PPEF1: variants seen among roughly 807,000 people sequenced by gnomAD.
The protein encoded by PPEF1 is protein phosphatase with EF-hand domain 1.
A neutral mutation model predicts 53.3 loss-of-function variants in PPEF1; 12 were observed. The observed-to-expected ratio is 0.23, with a 90% CI of 0.14 to 0.36. The LOEUF (loss-of-function observed/expected upper bound fraction) is 0.36. PPEF1 is among the 10% of genes least tolerant of loss of function. The pLI is 1.00. For synonymous variants in PPEF1, 165 were observed against 176.7 expected (o/e 0.93, Z 0.52); for missense variants, 334 against 490.4 (o/e 0.68, Z 3.01).
At position 18,741,772 on chromosome X, in the gene PPEF1, CTTTTT is replaced by C. The variant is rs58971135; in HGVS notation, c.235+7984_235+7988del. On this transcript the variant is annotated intron_variant, in intron 3 of 15. Transcript: ENST00000470157. ...ACCCATTTGAGTCTGGCTGCTGCTTCTTTTTTTTTTTTTTTTTTTTTTTTAACGTT... is the reference window on the plus strand; with the variant it reads ...ACCCATTTGAGTCTGGCTGCTGCTTCTTTTTTTTTTTTTTTTTTTAACGTT... Among the ~76,000 whole-genome samples, 9 of 66,337 alleles carry C rather than the reference CTTTTT, an allele frequency of 1.4e-4. No homozygotes were observed. In the South Asian group the frequency reaches 4.3e-3, roughly 32 times the overall value. The allele number at this position is 66,337 out of a possible 115,157, so 57.6% of individuals were successfully genotyped here.
intron 6 of PPEF1, among the ~76,000 whole-genome samples, chrX:18,766,205 G>A (rs1490834362): frequency 9.0e-6 from 1 of 111,193 alleles, no homozygotes; most frequent in Admixed American, 9.6e-5. Context: ...TATAGCAAAA[G>A]AATGTCCTAA....
chrX:18,820,949 C>T (rs768445230), intron 13 of PPEF1, among the ~76,000 whole-genome samples: 53 of 110,273 alleles, frequency 4.8e-4, no homozygotes, highest in Non-Finnish European at 8.2e-4. Flanking sequence ...TCCGGCCAGA[C>T]GTGGTGGCTC....
rs1340362098 is a variant in PPEF1, at chrX:18,686,935, A to T, written c.-426+704A>T. ...GATATACAGTGTCACATTGTCATCC[A>T]GGTCTCAAGCTCGTCCCTCCATCCT... On this transcript the variant is annotated intron_variant, in intron 3 of 21. Transcript: ENST00000361511. 2.3e-4 allele frequency among the ~76,000 whole-genome samples: 26 copies of T among 110,941 alleles called. No homozygotes were observed. In the Admixed American group the frequency reaches 2.5e-3, roughly 11 times the overall value.
intron 1 of PPEF1, among the ~76,000 whole-genome samples, chrX:18,722,569 C>T (rs772521221): frequency 1.8e-5 from 2 of 112,308 alleles, no homozygotes; most frequent in African/African-American, 6.5e-5. Context: ...TACCAGCCAG[C>T]ACAAAGAGAA....
At position 18,700,455 on chromosome X, in the gene PPEF1, T is replaced by G. The variant is rs1184859668; in HGVS notation, c.-123+20T>G. ...AAACAGGTAATATGTTTGTTTATTCTTAGGCATTTGGGGCAAGCAGAAGTC... is the reference window on the plus strand; with the variant it reads ...AAACAGGTAATATGTTTGTTTATTCGTAGGCATTTGGGGCAAGCAGAAGTC... On this transcript the variant is annotated intron_variant, in intron 6 of 21. Coordinates refer to the PPEF1 transcript ENST00000361511. The G allele has an allele frequency of 2.8e-5, 3 of 108,880 alleles. No homozygotes were observed. The Admixed American group carries it at 3.0e-4, about 11-fold the overall frequency. The allele number at this position is 108,880 out of a possible 1,213,427, so 9.0% of individuals were successfully genotyped here. A position where few individuals can be genotyped will look rare whatever the true frequency, so the allele number is the denominator to read the frequency against.
At chrX:18,826,288 A>G (rs1455409454) in intron 15 of PPEF1, among the ~76,000 whole-genome samples, 1 of 110,844 alleles carries the variant, frequency 9.0e-6, no homozygotes, top group Non-Finnish European at 1.9e-5. Flanking sequence ...ACTTTTTATA[A>G]ATCACCAGCA....
chrX:18,691,232 T>C (rs1929363085), intron 4 of PPEF1: 1 of 112,017 alleles, frequency 8.9e-6, no homozygotes, highest in African/African-American at 3.2e-5. Context: ...GTTTTATGTA[T>C]GAAGTTTGTT....
At chrX:18,705,453 C>A (rs1013644646), upstream of PPEF1, among the ~76,000 whole-genome samples, 1 of 112,360 alleles carries the variant, frequency 8.9e-6, no homozygotes, top group African/African-American at 3.2e-5. Context: ...GTGGCTGATG[C>A]CTGTCATCCC....
intron 3 of PPEF1, among the ~76,000 whole-genome samples, chrX:18,742,148 T>C (rs1356289869): frequency 3.6e-5 from 4 of 111,426 alleles, no homozygotes; most frequent in African/African-American, 1.3e-4. Context: ...ATCATCCTTG[T>C]AATTTGGTCA....
intron 10 of PPEF1, among the ~76,000 whole-genome samples, chrX:18,795,079 G>A: frequency 8.9e-6 from 1 of 111,974 alleles, no homozygotes; most frequent in Non-Finnish European, 1.9e-5. Flanking sequence ...GGAGGCTGAG[G>A]TGGGCGGATT....
In PPEF1 at chrX:18,817,218, G is replaced by T. The variant is rs2046938017; in HGVS notation, c.1395-821G>T. Among the ~76,000 whole-genome samples, 3 of 110,624 alleles carry T rather than the reference G, an allele frequency of 2.7e-5. No individual in the cohort carries two copies. In the South Asian group the frequency reaches 1.2e-3, roughly 43 times the overall value. On this transcript the variant is annotated intron_variant, in intron 12 of 15. Coordinates refer to ENST00000470157, the MANE Select transcript of PPEF1 (RefSeq NM_001377996.1). ...AAATTTATTTTTGTAAATGGTCTGAGGTAGAGGTTGAAGTCTAGGTTGTTA... is the reference window on the plus strand; with the variant it reads ...AAATTTATTTTTGTAAATGGTCTGATGTAGAGGTTGAAGTCTAGGTTGTTA...
intron 4 of PPEF1, among the ~76,000 whole-genome samples, chrX:18,750,198 C>T (rs1364514324): frequency 8.9e-6 from 1 of 111,741 alleles, no homozygotes. Context: ...ATAAAAGTCA[C>T]CATTTTACAG....
rs370035953 is a variant in PPEF1 at position 18,749,966 on chromosome X, G to C, written c.396+14G>C. 1.4e-5 allele frequency: 17 copies of C among 1,178,855 alleles called. No individual in the cohort carries two copies. The highest frequency in any genetic ancestry group is 2.0e-5 in the Non-Finnish European group (17 of 868,663). On this transcript the variant is annotated intron_variant, in intron 4 of 15. Transcript: ENST00000470157. ...AAGGAACAACAGGTAAGTGGAAGCA[G>C]ATGCTGCCTTGATTCTTGTACATAA...
intron 12 of PPEF1, among the ~76,000 whole-genome samples, chrX:18,810,849 G>A (rs1037972225): frequency 1.8e-5 from 2 of 112,086 alleles, no homozygotes; most frequent in African/African-American, 6.5e-5. Flanking sequence ...TCATGGGCAA[G>A]TTTTTGTGTG....
chrX:18,786,783 A>T, intron 9 of PPEF1, among the ~76,000 whole-genome samples: 1 of 64,764 alleles, frequency 1.5e-5, no homozygotes, highest in South Asian at 5.4e-4. Flanking sequence ...ACTATCTCAA[A>T]AAAAAAAAAA....
At chrX:18,764,514 A>G (rs772215774) in intron 6 of PPEF1, among the ~76,000 whole-genome samples, 1 of 111,466 alleles carries the variant, frequency 9.0e-6, no homozygotes, top group Admixed American at 9.5e-5. Flanking sequence ...GCCTTTCTGA[A>G]TAAGTTGAAG....
intron 6 of PPEF1, among the ~76,000 whole-genome samples, chrX:18,768,837 A>C (rs1460214522): frequency 8.9e-6 from 1 of 111,996 alleles, no homozygotes; most frequent in African/African-American, 3.2e-5. Context: ...GATTGGGATC[A>C]GCATGGAGTC....
intron 6 of PPEF1, among the ~76,000 whole-genome samples, chrX:18,771,094 A>C (rs1339105104): frequency 1.8e-5 from 2 of 111,944 alleles, no homozygotes; most frequent in Non-Finnish European, 3.8e-5. Context: ...GGGCCAGTGC[A>C]CTGTTCATGT....
intron 1 of PPEF1, 126 bp from the exon 2 acceptor site, chrX:18,730,055 G>A: frequency 1.5e-6 from 1 of 654,547 alleles, no homozygotes; most frequent in Non-Finnish European, 2.2e-6. Context: ...ATTGTTTGGT[G>A]TTTTAATATT....
Sources: gnomAD v4.1 joint callset for allele counts (sites outside exome capture counted in the v4.1 genomes callset) on GRCh38, gnomAD v4.1.1 for gene constraint, MANE v1.5 for transcripts, NCBI Gene and HGNC (gene_info 2026-07-23, HGNC 2026-07-21) for gene names.